SRPRA: variants seen among roughly 807,000 people sequenced by gnomAD.
SRPRA encodes SRP receptor subunit alpha.
Under a neutral mutation model 61.1 loss-of-function variants are expected in SRPRA, and 30 were observed. That is an observed-to-expected ratio of 0.49 (90% CI 0.37 to 0.67). The LOEUF is 0.67. Among genes scored for constraint, SRPRA ranks in the 30% least tolerant of loss-of-function variants. SRPRA has a pLI of 0.00. For synonymous variants in SRPRA, 324 were observed against 299.7 expected (o/e 1.08, Z -0.84); for missense variants, 759 against 828.4 (o/e 0.92, Z 1.03).
the SRPRA span, chr11:126,241,196 G>A: frequency 0.2 from 157,408 of 779,060 alleles, 18,165 homozygotes; most frequent in Non-Finnish European, 0.24. Context: ...ACTCTTCTGC[G>A]CAATGTCTGT....
At chr11:126,243,192 T>TAG in the SRPRA span, among the ~76,000 whole-genome samples, 2 of 152,232 alleles carry the variant, frequency 1.3e-5, no homozygotes, top group Non-Finnish European at 2.9e-5. Flanking sequence ...TTGACAGGGC[T>TAG]AGAGGAAATT....
Position 126,266,654 on chromosome 11 carries a change from G to A in SRPRA, c.687-25C>T, listed in dbSNP as rs79296801. The A allele has an allele frequency of 9.0e-4, 1,446 of 1,611,508 alleles. 4 individuals are homozygous for A. The African/African-American group carries it at 0.015, about 16-fold the overall frequency. Reference sequence around the variant, plus strand: ...GCTGCAACAGGTTATGATACAAAGAGTTATGGTGGAGAAGTAGGAAAGGAA... The same window carrying A: ...GCTGCAACAGGTTATGATACAAAGAATTATGGTGGAGAAGTAGGAAAGGAA... On this transcript the variant is annotated intron_variant, in intron 5 of 13. Transcript: ENST00000332118.
chr11:126,237,370 T>G, the SRPRA span, among the ~76,000 whole-genome samples: 1 of 149,686 alleles, frequency 6.7e-6, no homozygotes, highest in Non-Finnish European at 1.5e-5. Context: ...ACAAACGTGC[T>G]CTACCACACC....
chr11:126,249,659 G>A, the SRPRA span, among the ~76,000 whole-genome samples: 2 of 151,224 alleles, frequency 1.3e-5, no homozygotes, highest in Non-Finnish European at 1.5e-5. Context: ...TGAACCTGGC[G>A]GGGCGGAGGT....
the SRPRA span, chr11:126,254,349 T>C: frequency 1.9e-6 from 3 of 1,613,800 alleles, no homozygotes; most frequent in Non-Finnish European, 2.5e-6. Flanking sequence ...GCGTGTTGCA[T>C]ATTCACGGAG....
chr11:126,256,758 G>A, the SRPRA span: 1 of 1,614,152 alleles, frequency 6.2e-7, no homozygotes, highest in African/African-American at 1.3e-5. The surrounding 1 kb of genome is among the most constrained non-coding windows in gnomAD (Gnocchi z 6.6). Flanking sequence ...TGCTGGACAA[G>A]GGGATTAAAG....
At chr11:126,240,905 G>A in the SRPRA span, 3 of 1,614,028 alleles carry the variant, frequency 1.9e-6, no homozygotes, top group African/African-American at 4.0e-5. Flanking sequence ...TCCTGGAAGG[G>A]GTTAATTCAG....
At chr11:126,243,883 G>A in the SRPRA span, among the ~76,000 whole-genome samples, 8,137 of 145,330 alleles carry the variant, frequency 0.056, 346 homozygotes, top group East Asian at 0.18. Flanking sequence ...CAGCCTGGAC[G>A]ACAGAGCAAG....
At chr11:126,261,182 T>TAAAATG, downstream of SRPRA, 1 of 489,418 alleles carries the variant, frequency 2.0e-6, no homozygotes. Context: ...ATGTAAAATG[T>TAAAATG]TTTGTCTACA....
the SRPRA span, among the ~76,000 whole-genome samples, chr11:126,237,746 A>G: frequency 7.0e-6 from 1 of 143,724 alleles, no homozygotes; most frequent in African/African-American, 2.6e-5. Flanking sequence ...AATCCCAGCT[A>G]CTCGGGAGGC....
chr11:126,239,182 C>T, the SRPRA span, among the ~76,000 whole-genome samples: 3 of 151,860 alleles, frequency 2.0e-5, no homozygotes, highest in Admixed American at 1.3e-4. Flanking sequence ...ACTAAGTTGC[C>T]TAGGCTTGTC....
intron 1 of SRPRA, 27 bp from the exon 2 acceptor site, chr11:126,268,113 C>T (rs760220751): frequency 6.2e-7 from 1 of 1,608,152 alleles, no homozygotes; most frequent in Non-Finnish European, 8.5e-7. Context: ...TCTCAGTGTT[C>T]AGACTATCCC....
downstream of SRPRA, among the ~76,000 whole-genome samples, chr11:126,261,840 TA>T (rs1950707356): frequency 6.6e-6 from 1 of 152,148 alleles, no homozygotes; most frequent in African/African-American, 2.4e-5. Context: ...AAAATTTTTT[TA>T]AATTGCTAGG....
At chr11:126,240,727 C>A in the SRPRA span, 1 of 1,464,862 alleles carries the variant, frequency 6.8e-7, no homozygotes, top group Non-Finnish European at 9.1e-7. Context: ...CTGAGTCAGA[C>A]AGTCTTTCTG....
chr11:126,250,342 C>T, the SRPRA span, among the ~76,000 whole-genome samples: 8 of 152,148 alleles, frequency 5.3e-5, no homozygotes, highest in Admixed American at 1.3e-4. The surrounding 1 kb of genome is among the most constrained non-coding windows in gnomAD (Gnocchi z 5.1). Context: ...CCGCCCGCCT[C>T]GGTCTCCCAA....
Position 126,266,548 on chromosome 11 carries a change from T to G in SRPRA, c.768A>C (p.Lys256Asn). ...RVWELGGCAN[K>N]EVLDYSTPTT... ...TGGGAGTACTGTAATCCAACACTTC[T>G]TTGTTAGCACAGCCACCCAGTTCCC... is the stretch of plus-strand genomic sequence containing the variant. The change falls in exon 6 of 14, where the codon AAA (lysine) becomes AAC (asparagine). Residue 256 changes from lysine (K) to asparagine (N), a missense_variant. By Grantham distance (94) the Lys-to-Asn change is moderately conservative. Transcript: ENST00000332118. 1.2e-6 allele frequency: 2 copies of G among 1,614,176 alleles called. No homozygotes were observed.
intron 1 of SRPRA, 24 bp from the exon 2 acceptor site, chr11:126,268,110 G>C: frequency 1.2e-6 from 2 of 1,608,814 alleles, no homozygotes; most frequent in Non-Finnish European, 1.7e-6. Flanking sequence ...ATGTCTCAGT[G>C]TTCAGACTAT....
At chr11:126,238,567 A>G in the SRPRA span, among the ~76,000 whole-genome samples, 4 of 152,162 alleles carry the variant, frequency 2.6e-5, no homozygotes, top group Non-Finnish European at 5.9e-5. Flanking sequence ...GTTGGGGGAA[A>G]TCTTGTATTT....
the SRPRA span, among the ~76,000 whole-genome samples, chr11:126,245,577 C>G: frequency 6.6e-6 from 1 of 152,046 alleles, no homozygotes; most frequent in African/African-American, 2.4e-5. Context: ...ACCTGTAATC[C>G]CAACTACTTG....
Sources: gnomAD v4.1 joint callset for allele counts (sites outside exome capture counted in the v4.1 genomes callset) on GRCh38, gnomAD v4.1.1 for gene constraint, Gnocchi (gnomAD v3.1) non-coding constraint, MANE v1.5 for transcripts, NCBI Gene and HGNC (gene_info 2026-07-23, HGNC 2026-07-21) for gene names.